ZNF277: variants seen among roughly 807,000 people sequenced by gnomAD.
ZNF277 encodes the protein nuclear receptor-interacting factor 4.
A neutral mutation model predicts 60.7 loss-of-function variants in ZNF277; 55 were observed. The observed-to-expected ratio is 0.91, with a 90% confidence interval of 0.73 to 1.13. ZNF277 has a LOEUF of 1.13. Ranked by LOEUF, ZNF277 falls within the 50% of genes most tolerant of loss-of-function variation. The pLI, the probability that ZNF277 is intolerant of heterozygous loss-of-function variation, is 0.00. For missense variants in ZNF277, 510 were observed against 523.0 expected, an observed-to-expected ratio of 0.98 and a Z score of 0.24; for synonymous variants, 178 against 179.3, an observed-to-expected ratio of 0.99 and a Z score of 0.06.
intron 5 of ZNF277, among the ~76,000 whole-genome samples, chr7:112,325,522 C>T (rs1195402412): frequency 1.3e-5 from 2 of 152,194 alleles, no homozygotes; most frequent in Non-Finnish European, 2.9e-5. Context: ...TCCCAACACT[C>T]ATATCTGCTT....
chr7:112,271,079 A>G (rs1791658328), intron 1 of ZNF277, among the ~76,000 whole-genome samples: 1 of 152,156 alleles, frequency 6.6e-6, no homozygotes, highest in African/African-American at 2.4e-5. Flanking sequence ...CATTTTCAGT[A>G]AAGTTCCATT....
At chr7:112,324,976 C>T (rs1392433866) in intron 5 of ZNF277, among the ~76,000 whole-genome samples, 2 of 152,162 alleles carry the variant, frequency 1.3e-5, no homozygotes, top group Non-Finnish European at 2.9e-5. Context: ...TGCCTCCCCT[C>T]ATTGGTATGG....
rs190475133 is a variant in ZNF277, at chr7:112,303,474, G to A, written c.465+7163G>A. Among the ~76,000 whole-genome samples, 14 of 152,062 alleles carry A rather than the reference G, an allele frequency of 9.2e-5. 1 individual carries two copies. The highest frequency in any genetic ancestry group is 4.6e-4 in the Admixed American group (7 of 15,268). On this transcript the variant is annotated intron_variant, in intron 4 of 11. Coordinates refer to ENST00000361822, the MANE Select transcript of ZNF277 (RefSeq NM_021994.3). The stretch of plus-strand genomic sequence containing the variant: ...CTTTTAAAACTGTACCTGACCTTGA[G>A]TTTATACAGGAAAATACTTCTTCAG...
In ZNF277 at chr7:112,333,667, C is replaced by T. The variant is rs181061577; in HGVS notation, c.802-2437C>T. Among the ~76,000 whole-genome samples, 231 of 152,316 alleles carry T rather than the reference C, an allele frequency of 1.5e-3. 1 individual carries two copies. The highest frequency in any genetic ancestry group is 5.2e-3 in the African/African-American group (218 of 41,576). On this transcript the variant is annotated intron_variant, in intron 7 of 11. Transcript: ENST00000361822. Reference sequence around the variant, plus strand: ...GCTGCATTTGGCTTTCTGAGCTCAGCAAATTGACAAGTTCCATTTTCCTTC... The same window carrying T: ...GCTGCATTTGGCTTTCTGAGCTCAGTAAATTGACAAGTTCCATTTTCCTTC...
intron 1 of ZNF277, among the ~76,000 whole-genome samples, chr7:112,275,988 A>G (rs1400658133): frequency 6.6e-6 from 1 of 152,216 alleles, no homozygotes; most frequent in Non-Finnish European, 1.5e-5. Flanking sequence ...CATAAGAGGG[A>G]AAGGAGCTTC....
intron 4 of ZNF277, among the ~76,000 whole-genome samples, chr7:112,313,787 A>G (rs1792783217): frequency 1.3e-5 from 2 of 152,190 alleles, no homozygotes; most frequent in Admixed American, 6.5e-5. Context: ...TATAAACTAC[A>G]TAATAAGTGC....
At chr7:112,279,482 C>T (rs187990414) in intron 1 of ZNF277, among the ~76,000 whole-genome samples, 5 of 152,106 alleles carry the variant, frequency 3.3e-5, no homozygotes, top group East Asian at 1.9e-4. Flanking sequence ...GTTGGATGTT[C>T]GTATGTCTTC....
chr7:112,225,549 G>A (rs973609098), intron 1 of ZNF277, among the ~76,000 whole-genome samples: 2 of 152,072 alleles, frequency 1.3e-5, no homozygotes, highest in African/African-American at 4.8e-5. Context: ...TATATTTTTA[G>A]ATGTCAGTAG....
At chr7:112,224,368 G>A (rs28712358) in intron 1 of ZNF277, among the ~76,000 whole-genome samples, 13 of 152,226 alleles carry the variant, frequency 8.5e-5, no homozygotes, top group African/African-American at 2.9e-4. Flanking sequence ...ATTCAAGGCC[G>A]CCCTGGGCTG....
chr7:112,220,263 A>C (rs754398605), intron 1 of ZNF277, among the ~76,000 whole-genome samples: 2 of 149,592 alleles, frequency 1.3e-5, no homozygotes, highest in Non-Finnish European at 3.0e-5. Flanking sequence ...AGATCTTACA[A>C]CTCTTTGGTT....
intron 5 of ZNF277, among the ~76,000 whole-genome samples, chr7:112,320,976 C>A (rs547401328): frequency 7.4e-6 from 1 of 135,416 alleles, no homozygotes; most frequent in Non-Finnish European, 1.5e-5. Flanking sequence ...GCCTGGAGTG[C>A]AGTGGCAGGA....
chr7:112,264,469 C>T (rs558786971), intron 1 of ZNF277, among the ~76,000 whole-genome samples: 1 of 152,118 alleles, frequency 6.6e-6, no homozygotes, highest in South Asian at 2.1e-4. Flanking sequence ...ATGTATGCAA[C>T]CTAAGCATCT....
chr7:112,260,961 A>G (rs1791425352), intron 1 of ZNF277, among the ~76,000 whole-genome samples: 1 of 152,216 alleles, frequency 6.6e-6, no homozygotes, highest in Admixed American at 6.5e-5. Context: ...AATGTCATTC[A>G]AAGCCAATCA....
intron 1 of ZNF277, among the ~76,000 whole-genome samples, chr7:112,232,479 C>A (rs1822365793): frequency 6.6e-6 from 1 of 152,086 alleles, no homozygotes; most frequent in Non-Finnish European, 1.5e-5. Flanking sequence ...AGAATTGAGG[C>A]CACTTCTCTG....
intron 2 of ZNF277, chr7:112,288,667 C>T (rs552785150): frequency 7.7e-5 from 12 of 156,748 alleles, no homozygotes; most frequent in African/African-American, 1.9e-4. Flanking sequence ...CCCCATTAAT[C>T]GCCAGGGTTG....
At chr7:112,289,593 CA>C (rs1489681549) in intron 2 of ZNF277, among the ~76,000 whole-genome samples, 1 of 152,196 alleles carries the variant, frequency 6.6e-6, no homozygotes, top group Non-Finnish European at 1.5e-5. Flanking sequence ...TTCTTATATG[CA>C]ACCCAGTTAT....
At chr7:112,295,272 T>C (rs1377969210) in intron 2 of ZNF277, among the ~76,000 whole-genome samples, 1 of 152,190 alleles carries the variant, frequency 6.6e-6, no homozygotes, top group African/African-American at 2.4e-5. Context: ...TTAATTTAGC[T>C]GGTGTGTTGC....
chr7:112,207,951 G>T (rs1480505489), intron 1 of ZNF277, among the ~76,000 whole-genome samples: 1 of 151,988 alleles, frequency 6.6e-6, no homozygotes, highest in Non-Finnish European at 1.5e-5. Flanking sequence ...CACCCTAATG[G>T]TTTATTTTTG....
At chr7:112,260,522 A>G (rs756473785) in intron 1 of ZNF277, among the ~76,000 whole-genome samples, 2 of 152,262 alleles carry the variant, frequency 1.3e-5, no homozygotes, top group African/African-American at 2.4e-5. Flanking sequence ...CTTAATTTCT[A>G]TAATTCATTT....
Sources: allele counts gnomAD v4.1 joint callset (sites outside exome capture counted in the v4.1 genomes callset), GRCh38; gene constraint gnomAD v4.1.1; transcripts MANE v1.5; gene names NCBI Gene and HGNC (gene_info 2026-07-23, HGNC 2026-07-21).